LRRC4C: variants seen among roughly 807,000 people sequenced by gnomAD.
The protein encoded by LRRC4C is leucine-rich repeat-containing protein 4C.
In LRRC4C, 5 loss-of-function variants were observed where a neutral mutation model predicts 33.6. The observed-to-expected ratio is 0.15, with a 90% CI of 0.08 to 0.31. LRRC4C has a LOEUF of 0.31. Ranked by LOEUF, LRRC4C falls within the 10% of genes least tolerant of loss-of-function variation. The pLI, the probability that LRRC4C is intolerant of heterozygous loss-of-function variation, is 1.00. For synonymous variants in LRRC4C, 329 were observed against 302.0 expected (o/e 1.09, Z -0.93); for missense variants, 560 against 796.7 (o/e 0.70, Z 3.58).
chr11:40,725,238 G>A (rs1235657320), intron 2 of LRRC4C, among the ~76,000 whole-genome samples: 1 of 152,200 alleles, frequency 6.6e-6, no homozygotes, highest in African/African-American at 2.4e-5. Context: ...CGGGTGCAGT[G>A]GCTCACGCCT....
At chr11:40,608,996 G>A (rs986747720) in intron 3 of LRRC4C, among the ~76,000 whole-genome samples, 14 of 152,018 alleles carry the variant, frequency 9.2e-5, no homozygotes, top group East Asian at 3.9e-4. Context: ...TCAATATCCC[G>A]CTTTCAGTAA....
At chr11:41,374,666 A>C (rs2137821276) in intron 1 of LRRC4C, among the ~76,000 whole-genome samples, 1 of 152,306 alleles carries the variant, frequency 6.6e-6, no homozygotes, top group African/African-American at 2.4e-5. Context: ...AAAATACCTT[A>C]AGGAGATAAT....
chr11:41,131,098 C>T (rs1399912617), intron 1 of LRRC4C, among the ~76,000 whole-genome samples: 1 of 151,970 alleles, frequency 6.6e-6, no homozygotes, highest in Admixed American at 6.6e-5. Context: ...AATGCACAAA[C>T]ATTGGATCAA....
At chr11:40,466,198 C>T (rs548759790) in intron 3 of LRRC4C, among the ~76,000 whole-genome samples, 168 of 151,894 alleles carry the variant, frequency 1.1e-3, no homozygotes, top group Non-Finnish European at 1.8e-3. Flanking sequence ...CACTTATAAG[C>T]GGAAGCTAAA....
intron 1 of LRRC4C, among the ~76,000 whole-genome samples, chr11:41,088,559 T>C (rs774655905): frequency 6.6e-6 from 1 of 152,050 alleles, no homozygotes; most frequent in Non-Finnish European, 1.5e-5. Flanking sequence ...AATTTGAAAA[T>C]GTTGAGGCAG....
At chr11:41,314,738 G>A (rs935090595) in intron 1 of LRRC4C, among the ~76,000 whole-genome samples, 1 of 151,858 alleles carries the variant, frequency 6.6e-6, no homozygotes, top group Non-Finnish European at 1.5e-5. Flanking sequence ...CAGGGCACAT[G>A]TATACCTATG....
chr11:40,408,739 A>G (rs534844777), intron 3 of LRRC4C, among the ~76,000 whole-genome samples: 1 of 152,072 alleles, frequency 6.6e-6, no homozygotes, highest in East Asian at 1.9e-4. Flanking sequence ...ATGTCCATGA[A>G]AACTATAAAA....
chr11:41,386,209 A>T (rs1305365927), intron 1 of LRRC4C, among the ~76,000 whole-genome samples: 1 of 151,674 alleles, frequency 6.6e-6, no homozygotes, highest in African/African-American at 2.4e-5. Context: ...GCAATAATGG[A>T]TGGCAGTAAA....
Position 41,080,342 on chromosome 11 carries a change from CTTTTTT to C in LRRC4C, c.-495-146625_-495-146620del, listed in dbSNP as rs71060997. On this transcript the variant is annotated intron_variant, in intron 1 of 6. Transcript: ENST00000528697. ...TTGACCCAAATGTCAGAGTCTCCTC[CTTTTTT>C]TTTTTTTTTTTTTTTTGTTTGAGAT... Among the ~76,000 whole-genome samples the C allele has an allele frequency of 1.2e-4, 12 of 103,458 alleles. No individual in the cohort carries two copies. The East Asian group carries it at 1.6e-3, about 14-fold the overall frequency. 67.9% of individuals were successfully genotyped at this position (103,458 alleles called of 152,430 possible). A position where few individuals can be genotyped will look rare whatever the true frequency, so the allele number is the denominator to read the frequency against.
chr11:40,778,167 T>C (rs560452767), intron 2 of LRRC4C, among the ~76,000 whole-genome samples: 1 of 152,210 alleles, frequency 6.6e-6, no homozygotes, highest in Non-Finnish European at 1.5e-5. Context: ...GACTATGTAC[T>C]CAAATTTTTT....
chr11:40,324,493 T>C (rs78282979), intron 3 of LRRC4C, among the ~76,000 whole-genome samples: 167 of 152,284 alleles, frequency 1.1e-3, no homozygotes, highest in African/African-American at 3.7e-3. Context: ...CAATGAAAGA[T>C]TGGAATTAGC....
At chr11:40,228,861 T>C (rs747776981) in intron 5 of LRRC4C, among the ~76,000 whole-genome samples, 8 of 152,206 alleles carry the variant, frequency 5.3e-5, no homozygotes, top group Non-Finnish European at 1.0e-4. Flanking sequence ...TCTGTTTAGG[T>C]TGGCTGTACA....
At chr11:40,469,600 C>T (rs4595530) in intron 3 of LRRC4C, among the ~76,000 whole-genome samples, 21,392 of 152,132 alleles carry the variant, frequency 0.14, 1,583 homozygotes, top group Non-Finnish European at 0.15. Flanking sequence ...GGATCCCACC[C>T]CCACGGAGCC....
At chr11:40,474,788 C>G (rs1234994773) in intron 3 of LRRC4C, among the ~76,000 whole-genome samples, 2 of 152,164 alleles carry the variant, frequency 1.3e-5, no homozygotes, top group African/African-American at 2.4e-5. Flanking sequence ...TGAACAGACA[C>G]TTCTCAAGAA....
intron 5 of LRRC4C, among the ~76,000 whole-genome samples, chr11:40,216,166 T>C (rs933383464): frequency 1.3e-5 from 2 of 152,208 alleles, no homozygotes; most frequent in Non-Finnish European, 2.9e-5. Flanking sequence ...ATACATTATC[T>C]TGGAGTGTTG....
chr11:40,965,195 T>C (rs1171040854), intron 1 of LRRC4C, among the ~76,000 whole-genome samples: 3 of 152,196 alleles, frequency 2.0e-5, no homozygotes, highest in Non-Finnish European at 4.4e-5. Flanking sequence ...TTCATATCCT[T>C]CGCCCACTTT....
At chr11:41,433,801 A>ATG (rs3040493) in intron 1 of LRRC4C, among the ~76,000 whole-genome samples, 17,250 of 149,334 alleles carry the variant, frequency 0.12, 1,136 homozygotes, top group Non-Finnish European at 0.15. Flanking sequence ...TCCCATATAT[A>ATG]TGTGTGTGTG....
chr11:40,474,218 T>C (rs940498068), intron 3 of LRRC4C, among the ~76,000 whole-genome samples: 1 of 152,180 alleles, frequency 6.6e-6, no homozygotes, highest in African/African-American at 2.4e-5. Flanking sequence ...AGCATGGTAC[T>C]GGTACCAAAA....
At chr11:40,596,263 G>A (rs1421017862) in intron 3 of LRRC4C, among the ~76,000 whole-genome samples, 1 of 152,030 alleles carries the variant, frequency 6.6e-6, no homozygotes, top group African/African-American at 2.4e-5. Context: ...TTCAAAATTA[G>A]CTTGTTTATT....
Sources: allele counts gnomAD v4.1 joint callset (sites outside exome capture counted in the v4.1 genomes callset), GRCh38; gene constraint gnomAD v4.1.1; transcripts MANE v1.5; gene names NCBI Gene and HGNC (gene_info 2026-07-23, HGNC 2026-07-21).